DPYD: variants seen among roughly 807,000 people sequenced by gnomAD.
DPYD encodes dihydropyrimidine dehydrogenase.
Under a neutral mutation model 116.2 loss-of-function variants are expected in DPYD, and 109 were observed. The ratio of observed to expected loss-of-function variants is 0.94; its 90% confidence interval spans 0.80 to 1.10. The LOEUF (loss-of-function observed/expected upper bound fraction) is 1.10, where lower values mean the gene tolerates loss of function less well. Ranked by LOEUF, DPYD falls within the 50% of genes least tolerant of loss-of-function variation. The probability of loss-of-function intolerance (pLI) is 0.00; values close to 1 mark genes in which losing one functional copy is unlikely to be tolerated. For missense variants in DPYD, 1,302 were observed against 1,254.5 expected (o/e 1.04, Z -0.57); for synonymous variants, 440 against 432.0 (o/e 1.02, Z -0.23).
chr1:97,790,618 A>C (rs1176523977), intron 3 of DPYD, among the ~76,000 whole-genome samples: 1 of 152,212 alleles, frequency 6.6e-6, no homozygotes, highest in East Asian at 1.9e-4. Context: ...CCATATGTTG[A>C]AAAAGTAAAA....
At chr1:97,788,011 G>A (rs1226696892) in intron 3 of DPYD, among the ~76,000 whole-genome samples, 1 of 152,156 alleles carries the variant, frequency 6.6e-6, no homozygotes, top group African/African-American at 2.4e-5. Context: ...TTTGTAATAA[G>A]TGGCAGCTTT....
chr1:97,402,968 A>C (rs1334139221), intron 14 of DPYD, among the ~76,000 whole-genome samples: 1 of 152,060 alleles, frequency 6.6e-6, no homozygotes, highest in East Asian at 1.9e-4. Flanking sequence ...ATCCCACTTC[A>C]CTGTGGTGTA....
chr1:97,206,676 AT>A (rs1557938246), intron 19 of DPYD, among the ~76,000 whole-genome samples: 2,678 of 100,430 alleles, frequency 0.027, 201 homozygotes, highest in East Asian at 0.062. Flanking sequence ...ATATATATAT[AT>A]ATATATATAT....
At chr1:97,878,536 A>T (rs901649288) in intron 2 of DPYD, among the ~76,000 whole-genome samples, 5 of 152,052 alleles carry the variant, frequency 3.3e-5, no homozygotes, top group Admixed American at 2.6e-4. Flanking sequence ...AACTTATGCT[A>T]TAAACAAGTA....
At chr1:97,160,352 C>G (rs1433315245) in intron 20 of DPYD, among the ~76,000 whole-genome samples, 1 of 127,562 alleles carries the variant, frequency 7.8e-6, no homozygotes, top group African/African-American at 3.0e-5. Flanking sequence ...TTCCCCTAAG[C>G]TCTCCATAAT....
At chr1:97,378,482 C>T (rs1671760689) in intron 15 of DPYD, among the ~76,000 whole-genome samples, 1 of 152,090 alleles carries the variant, frequency 6.6e-6, no homozygotes, top group African/African-American at 2.4e-5. Context: ...GGTTTTAATG[C>T]CTATGCCTTT....
intron 8 of DPYD, among the ~76,000 whole-genome samples, chr1:97,606,628 G>C (rs941059672): frequency 6.6e-6 from 1 of 151,898 alleles, no homozygotes; most frequent in African/African-American, 2.4e-5. Context: ...AATAGGCAGG[G>C]TCCAAACTAT....
chr1:97,602,228 G>A (rs372522337), intron 8 of DPYD, among the ~76,000 whole-genome samples: 1 of 151,826 alleles, frequency 6.6e-6, no homozygotes, highest in Non-Finnish European at 1.5e-5. Flanking sequence ...AAAAGCACTA[G>A]AAAAGAGAAT....
At chr1:97,763,896 T>G (rs1415006210) in intron 3 of DPYD, among the ~76,000 whole-genome samples, 1 of 152,134 alleles carries the variant, frequency 6.6e-6, no homozygotes, top group Non-Finnish European at 1.5e-5. Flanking sequence ...GCATTTATTG[T>G]GTGTGAAAAC....
intron 11 of DPYD, among the ~76,000 whole-genome samples, chr1:97,552,576 C>T (rs1027903790): frequency 4.6e-5 from 7 of 152,190 alleles, no homozygotes; most frequent in East Asian, 3.9e-4. Flanking sequence ...TATCCTTAAA[C>T]ATTCATAATA....
At chr1:97,521,861 G>A (rs1220825727) in intron 12 of DPYD, among the ~76,000 whole-genome samples, 3 of 152,252 alleles carry the variant, frequency 2.0e-5, no homozygotes, top group Non-Finnish European at 2.9e-5. Flanking sequence ...GCCATATGCC[G>A]AAAACTGAAA....
At chr1:97,521,888 C>T (rs903644104) in intron 12 of DPYD, among the ~76,000 whole-genome samples, 5 of 152,164 alleles carry the variant, frequency 3.3e-5, no homozygotes, top group Non-Finnish European at 7.3e-5. Context: ...CCCTTCCTTA[C>T]ACCTTATACA....
At chr1:97,362,346 A>G (rs1478191185) in intron 16 of DPYD, among the ~76,000 whole-genome samples, 5 of 152,244 alleles carry the variant, frequency 3.3e-5, no homozygotes, top group African/African-American at 1.2e-4. Flanking sequence ...AGGGATAGGA[A>G]GAATCAATAT....
chr1:97,760,933 A>G (rs959924924), intron 3 of DPYD, among the ~76,000 whole-genome samples: 1 of 152,150 alleles, frequency 6.6e-6, no homozygotes, highest in African/African-American at 2.4e-5. Context: ...GGTTAGAACA[A>G]CACTGAAAGT....
At chr1:97,407,876 C>T (rs1167331368) in intron 14 of DPYD, among the ~76,000 whole-genome samples, 1 of 152,136 alleles carries the variant, frequency 6.6e-6, no homozygotes, top group Non-Finnish European at 1.5e-5. Context: ...GACACAACAA[C>T]GATTCCATTA....
At chr1:97,600,469 T>C (rs1423189877) in intron 8 of DPYD, among the ~76,000 whole-genome samples, 1 of 152,196 alleles carries the variant, frequency 6.6e-6, no homozygotes, top group Non-Finnish European at 1.5e-5. Context: ...TATTAAATCT[T>C]ATAAAATATC....
At chr1:97,574,312 CT>C (rs1012183158) in intron 10 of DPYD, among the ~76,000 whole-genome samples, 19 of 151,886 alleles carry the variant, frequency 1.3e-4, no homozygotes, top group Admixed American at 8.6e-4. Flanking sequence ...ATTAAGGTCT[CT>C]TTTTTTAATC....
intron 17 of DPYD, among the ~76,000 whole-genome samples, chr1:97,305,641 A>T (rs987178573): frequency 4.6e-5 from 7 of 151,980 alleles, no homozygotes; most frequent in African/African-American, 1.7e-4. Flanking sequence ...GTTATTTTCC[A>T]GGTAATTTAC....
At chr1:97,361,763 C>T (rs188609454) in intron 16 of DPYD, among the ~76,000 whole-genome samples, 1 of 152,304 alleles carries the variant, frequency 6.6e-6, no homozygotes, top group East Asian at 1.9e-4. Flanking sequence ...AGCCTTCATG[C>T]TAAAAACTCT....
Sources: allele counts gnomAD v4.1 joint callset (sites outside exome capture counted in the v4.1 genomes callset), GRCh38; gene constraint gnomAD v4.1.1; transcripts MANE v1.5; gene names NCBI Gene and HGNC (gene_info 2026-07-23, HGNC 2026-07-21).